The following SYNE1 variants were observed in gnomAD, a reference collection of about 807,000 sequenced individuals.
SYNE1 encodes the protein spectrin repeat containing nuclear envelope protein 1.
SYNE1 carries 616 observed loss-of-function variants against 1,111.0 expected under a neutral mutation model. That is an observed-to-expected ratio of 0.55 (90% CI 0.52 to 0.59). The LOEUF (loss-of-function observed/expected upper bound fraction) is 0.59, where lower values mean the gene tolerates loss of function less well. Among genes scored for constraint, SYNE1 ranks in the 20% least tolerant of loss-of-function variants. The pLI is 0.00. For missense variants in SYNE1, 10,006 were observed against 10,417.0 expected, an observed-to-expected ratio of 0.96 and a Z score of 1.72; for synonymous variants, 3,855 against 3,825.8, an observed-to-expected ratio of 1.01 and a Z score of -0.28.
chr6:152,186,556 C>A (rs79991847), intron 128 of SYNE1, among the ~76,000 whole-genome samples: 5 of 38,038 alleles, frequency 1.3e-4, no homozygotes, highest in Admixed American at 9.1e-4. Flanking sequence ...AGCTCTGTGT[C>A]AAAAAAAAAA....
intron 98 of SYNE1, among the ~76,000 whole-genome samples, chr6:152,275,926 CTAAT>C (rs1043676158): frequency 8.0e-5 from 12 of 150,308 alleles, no homozygotes; most frequent in South Asian, 2.1e-4. Context: ...TATGATAAGA[CTAAT>C]AATCCCTCAA....
Position 152,201,862 on chromosome 6 carries a change from G to T in SYNE1, c.23107C>A (p.His7703Asn). Reference protein sequence around the residue: ...KKKLSQSLPDHHEELHAEQMR... With the variant: ...KKKLSQSLPDNHEELHAEQMR... ...TGTTCTGCATGGAGCTCTTCATGGT[G>T]ATCCGGGAGAGACTGCGAAAGCTTC... Residue 7703 changes from histidine to asparagine, a missense_variant, in exon 127 of 146, where the codon CAC becomes AAC. Transcript: ENST00000367255. 1 of 1,613,968 alleles carries T rather than the reference G, an allele frequency of 6.2e-7. No individual in the cohort carries two copies. The highest frequency in any genetic ancestry group is 8.5e-7 in the Non-Finnish European group (1 of 1,179,844).
chr6:152,441,119 C>G lies in SYNE1; in HGVS notation c.4149+11G>C, dbSNP rs1396633212. 4 of 1,613,058 alleles carry G rather than the reference C, an allele frequency of 2.5e-6. No individual in the cohort carries two copies. Among genetic ancestry groups the G allele is most frequent in the South Asian group, 1.1e-5 (1 of 91,028 alleles). ...TTTCTGAATATTGGGTACCAAGGAG[C>G]CATAATATACCTTTGTTTGTTCCAG... On this transcript the variant is annotated intron_variant, in intron 32 of 145. Transcript: ENST00000367255.
intron 18 of SYNE1, among the ~76,000 whole-genome samples, chr6:152,463,841 G>A (rs1342475355): frequency 6.6e-6 from 1 of 152,094 alleles, no homozygotes; most frequent in Non-Finnish European, 1.5e-5. Context: ...TAACCTTCAG[G>A]CTAGTAAATA....
At position 152,276,279 on chromosome 6, in the gene SYNE1, C is replaced by T. The variant is rs1199702873; in HGVS notation, c.18573+1810G>A. On this transcript the variant is annotated intron_variant, in intron 98 of 145. Coordinates refer to ENST00000367255, the MANE Select transcript of SYNE1 (RefSeq NM_182961.4). ...CAAACTCCCGACCTCAGGTGATCCA[C>T]CTGCCTTGGCCTCCCAAATTGCTGG... Among the ~76,000 whole-genome samples the T allele has an allele frequency of 2.6e-5, 4 of 152,158 alleles. No homozygotes were observed. The South Asian group carries it at 8.3e-4, about 32-fold the overall frequency.
At chr6:152,282,663 C>T (rs2153727281) in intron 96 of SYNE1, among the ~76,000 whole-genome samples, 1 of 151,990 alleles carries the variant, frequency 6.6e-6, no homozygotes, top group East Asian at 1.9e-4. Flanking sequence ...ACTCTAAATA[C>T]TTTATTTTAA....
chr6:152,483,699 T>C (rs2098922557), intron 13 of SYNE1, among the ~76,000 whole-genome samples: 1 of 151,894 alleles, frequency 6.6e-6, no homozygotes, highest in South Asian at 2.1e-4. Context: ...TTCAGAAAAA[T>C]GAGGATTATC....
intron 93 of SYNE1, among the ~76,000 whole-genome samples, chr6:152,298,581 T>G (rs1172954843): frequency 6.6e-6 from 1 of 151,948 alleles, no homozygotes; most frequent in Non-Finnish European, 1.5e-5. Context: ...TTTTAACAAC[T>G]GTGATTTTAT....
intron 14 of SYNE1, among the ~76,000 whole-genome samples, chr6:152,474,347 A>G (rs1286261411): frequency 1.3e-5 from 2 of 152,222 alleles, no homozygotes; most frequent in Non-Finnish European, 2.9e-5. Flanking sequence ...CATTCTTAGT[A>G]AAACATGACC....
intron 11 of SYNE1, among the ~76,000 whole-genome samples, chr6:152,490,080 AAAC>A (rs1423604756): frequency 6.6e-6 from 1 of 152,238 alleles, no homozygotes; most frequent in Admixed American, 6.5e-5. Flanking sequence ...TTCAGAAAAT[AAAC>A]AATAAAAATA....
rs888605105 is a variant in SYNE1 at position 152,391,141 on chromosome 6, T to C, written c.8004+136A>G. On this transcript the variant is annotated intron_variant, in intron 52 of 145. Coordinates refer to ENST00000367255, the MANE Select transcript of SYNE1 (RefSeq NM_182961.4). ...AAAATGATGCCTCTGTATCCTTTTT[T>C]GCCCAATTTCTCCATTTTGCCCACA... 7 of 1,263,264 alleles carry C rather than the reference T, an allele frequency of 5.5e-6. No homozygotes were observed. In the African/African-American group the frequency reaches 8.8e-5, roughly 16 times the overall value. The allele number at this position is 1,263,264 out of a possible 1,614,324, so 78.3% of individuals were successfully genotyped here. A position where few individuals can be genotyped will look rare whatever the true frequency, so the allele number is the denominator to read the frequency against.
Position 152,287,605 on chromosome 6 carries a change from G to A in SYNE1, c.18013-3433C>T, listed in dbSNP as rs1432441072. 2.0e-5 allele frequency among the ~76,000 whole-genome samples: 3 copies of A among 152,114 alleles called. No individual in the cohort carries two copies. In the East Asian group the frequency reaches 5.8e-4, roughly 29 times the overall value. On this transcript the variant is annotated intron_variant, in intron 95 of 145. Coordinates refer to ENST00000367255, the MANE Select transcript of SYNE1 (RefSeq NM_182961.4). ...CCCTGTTGCTCGTGCTGGAGTCAGT[G>A]GCAAGATCTTGGCTCACTGCAACCT...
Position 152,468,695 on chromosome 6 carries a change from T to C in SYNE1, c.1633-2617A>G, listed in dbSNP as rs1438199814. On this transcript the variant is annotated intron_variant, in intron 16 of 145. Coordinates refer to ENST00000367255, the MANE Select transcript of SYNE1 (RefSeq NM_182961.4). ...TTGAGAATTATGACTAAGGAAAATA[T>C]AATTACGGAAAATTTATGGCCTGAA... Among the ~76,000 whole-genome samples the C allele has an allele frequency of 3.9e-5, 6 of 152,316 alleles. No homozygotes were observed. The East Asian group carries it at 1.2e-3, about 29-fold the overall frequency.
intron 95 of SYNE1, among the ~76,000 whole-genome samples, chr6:152,288,126 GT>G (rs10591944): frequency 0.23 from 33,321 of 146,306 alleles, 3,873 homozygotes; most frequent in Middle Eastern, 0.31. Context: ...TTATGTCTTT[GT>G]TTTTTTTTTT....
chr6:152,386,546 T>C (rs1179269121), intron 54 of SYNE1, among the ~76,000 whole-genome samples: 1 of 152,136 alleles, frequency 6.6e-6, no homozygotes, highest in Admixed American at 6.6e-5. Flanking sequence ...TTTACAAATA[T>C]GCCAAAGAAT....
chr6:152,206,161 A>G lies in SYNE1; in HGVS notation c.23019+7T>C. ...TTTTTGGTTCGTTTTTTTCTAACTG[A>G]ACTTACTTTCAACAAGAAGGCTAGT... On this transcript the variant is annotated splice_region_variant and intron_variant, in intron 126 of 145. Transcript: ENST00000367255. The G allele has an allele frequency of 6.2e-7, 1 of 1,613,078 alleles. No individual in the cohort carries two copies. The highest frequency in any genetic ancestry group is 8.5e-7 in the Non-Finnish European group (1 of 1,179,966).
Position 152,204,909 on chromosome 6 carries a change from G to A in SYNE1, c.23019+1259C>T, listed in dbSNP as rs942189581. Among the ~76,000 whole-genome samples the A allele has an allele frequency of 2.6e-5, 4 of 152,178 alleles. No individual in the cohort carries two copies. The East Asian group carries it at 7.7e-4, about 29-fold the overall frequency. The stretch of plus-strand genomic sequence containing the variant: ...ACATCACAAATTTAAAAAAATATAT[G>A]ATTAACATGTTCTCTACAGGATGAG... On this transcript the variant is annotated intron_variant, in intron 126 of 145. Transcript: ENST00000367255.
intron 127 of SYNE1, among the ~76,000 whole-genome samples, chr6:152,195,077 T>C (rs9479256): frequency 0.089 from 13,462 of 152,084 alleles, 718 homozygotes; most frequent in African/African-American, 0.15. Flanking sequence ...TGTGCCACCA[T>C]GCCTGGCTGA....
At chr6:152,147,856 G>T (rs761393700) in intron 137 of SYNE1, 189 bp downstream of exon 137, 48 of 618,620 alleles carry the variant, frequency 7.8e-5, no homozygotes, top group Non-Finnish European at 1.3e-4. Context: ...AATCTACGTG[G>T]AATAAATCAA....
Sources: gnomAD v4.1 joint callset for allele counts (sites outside exome capture counted in the v4.1 genomes callset) on GRCh38, gnomAD v4.1.1 for gene constraint, MANE v1.5 for transcripts, NCBI Gene and HGNC (gene_info 2026-07-23, HGNC 2026-07-21) for gene names.